Variants in NMRK1 observed in about 807,000 individuals in gnomAD.
NMRK1 encodes the protein NRK 1.
In NMRK1, 28 loss-of-function variants were observed where a neutral mutation model predicts 29.9. That is an observed-to-expected ratio of 0.94 (90% CI 0.69 to 1.28). The LOEUF (loss-of-function observed/expected upper bound fraction) is 1.28, where lower values mean the gene tolerates loss of function less well. Ranked by LOEUF, NMRK1 falls within the 50% of genes most tolerant of loss-of-function variation. The pLI, the probability that NMRK1 is intolerant of heterozygous loss-of-function variation, is 0.00. For missense variants in NMRK1, 218 were observed against 233.1 expected (o/e 0.94, Z 0.42); for synonymous variants, 58 against 73.0 (o/e 0.79, Z 1.05).
chr9:75,077,709 C>T (rs1824084231), intron 2 of NMRK1, 129 bp from the exon 3 acceptor site: 1 of 640,134 alleles, frequency 1.6e-6, no homozygotes, highest in African/African-American at 1.8e-5. Context: ...AATCTTGGCT[C>T]ACTGCAACCT....
At chr9:75,087,714 A>C (rs1824754611) in intron 1 of NMRK1, 2 of 151,768 alleles carry the variant, frequency 1.3e-5, no homozygotes. Flanking sequence ...GACCATATCG[A>C]TCCGCGAGGA....
intron 8 of NMRK1, 26 bp downstream of exon 8, chr9:75,066,731 A>G: frequency 7.8e-7 from 1 of 1,284,984 alleles, no homozygotes; most frequent in Admixed American, 1.7e-5. Context: ...CTCCTCTACC[A>G]TCCACTTTGT....
At chr9:75,066,333 CT>C in intron 8 of NMRK1, 1 of 497,776 alleles carries the variant, frequency 2.0e-6, no homozygotes, top group East Asian at 5.6e-5. Context: ...TTTTTAAAAT[CT>C]TTTGTTTATC....
At chr9:75,078,920 A>G (rs1824164486) in intron 2 of NMRK1, among the ~76,000 whole-genome samples, 1 of 152,326 alleles carries the variant, frequency 6.6e-6, no homozygotes, top group Non-Finnish European at 1.5e-5. Flanking sequence ...CTATATTTCA[A>G]TATAACCAAT....
Position 75,066,782 on chromosome 9 carries a change from T to G in NMRK1, c.555A>C (p.Leu185=). The G allele has an allele frequency of 6.2e-7, 1 of 1,606,102 alleles. No individual in the cohort carries two copies. Among genetic ancestry groups the G allele is most frequent in the Middle Eastern group, 1.7e-4 (1 of 6,044 alleles). The change falls in exon 8 of 9, where the codon CTA becomes CTC. Residue 185 remains leucine, a synonymous_variant. Transcript: ENST00000361092. ...ACTTTTGCTTTGCTAGTTCTTGTAT[T>G]AGATCTTCATATACTTGCAAAAAGA... ...EDLFLQVYED[L]IQELAKQKCL... is the part of the protein sequence containing the mutation.
intron 8 of NMRK1, chr9:75,066,327 T>C (rs998242209): frequency 2.0e-6 from 1 of 504,024 alleles, no homozygotes; most frequent in South Asian, 1.5e-5. Flanking sequence ...TAATACTTTT[T>C]AAAATCTTTT....
At chr9:75,078,195 T>C in intron 2 of NMRK1, 4 of 1,401,028 alleles carry the variant, frequency 2.9e-6, no homozygotes, top group Non-Finnish European at 3.8e-6. Context: ...ATTCACATGG[T>C]TCATATGCAA....
chr9:75,068,559 A>G (rs1823503834), intron 7 of NMRK1, among the ~76,000 whole-genome samples: 1 of 152,096 alleles, frequency 6.6e-6, no homozygotes, highest in African/African-American at 2.4e-5. Context: ...AAACTCATTG[A>G]AGTTTGGTTA....
intron 4 of NMRK1, among the ~76,000 whole-genome samples, chr9:75,073,595 C>G (rs750473038): frequency 2.0e-5 from 3 of 151,996 alleles, no homozygotes; most frequent in Non-Finnish European, 4.4e-5. Context: ...AAAAATTAGT[C>G]AGGCGTGGTG....
At chr9:75,066,953 A>G in intron 7 of NMRK1, 113 bp from the exon 8 acceptor site, 2 of 641,746 alleles carry the variant, frequency 3.1e-6, no homozygotes, top group Non-Finnish European at 5.6e-6. Flanking sequence ...CAAGGCACCC[A>G]GGACCATAAC....
At position 75,062,770 on chromosome 9, in the gene NMRK1, G is replaced by A. The variant is rs972274704; in HGVS notation, c.581-1203C>T. 5.3e-5 allele frequency among the ~76,000 whole-genome samples: 8 copies of A among 152,204 alleles called. 1 individual carries two copies. The highest frequency in any genetic ancestry group is 5.2e-4 in the Admixed American group (8 of 15,276). ...AAAAAGGCTGAGCATGGTGGCTGATGCCTGTAATCCCAGCACTATGGGAGG... is the reference window on the plus strand; with the variant it reads ...AAAAAGGCTGAGCATGGTGGCTGATACCTGTAATCCCAGCACTATGGGAGG... On this transcript the variant is annotated intron_variant, in intron 8 of 8. Coordinates refer to ENST00000361092, the MANE Select transcript of NMRK1 (RefSeq NM_017881.3).
intron 1 of NMRK1, among the ~76,000 whole-genome samples, chr9:75,085,164 T>A (rs1044671551): frequency 2.0e-5 from 3 of 152,244 alleles, no homozygotes; most frequent in African/African-American, 7.2e-5. Flanking sequence ...TTGTCATTCC[T>A]TGCCCCCATT....
intron 8 of NMRK1, among the ~76,000 whole-genome samples, chr9:75,065,297 G>A (rs1728667471): frequency 6.6e-6 from 1 of 152,084 alleles, no homozygotes; most frequent in South Asian, 2.1e-4. Context: ...AGCCTCCCGG[G>A]TAGCTGGGAC....
In NMRK1 at chr9:75,077,029, C is replaced by T. The variant is rs1186461921; in HGVS notation, c.169+130G>A. On this transcript the variant is annotated intron_variant, in intron 4 of 8. Transcript: ENST00000361092. ...TAAACACATTTTAAGACTGCCTTCA[C>T]AGATATAGTGAAGTTCTTTTTTTAA... 9.6e-6 allele frequency: 6 copies of T among 622,700 alleles called. 1 individual carries two copies. The highest frequency in any genetic ancestry group is 8.5e-5 in the South Asian group (4 of 47,010). 38.6% of individuals were successfully genotyped at this position (622,700 alleles called of 1,614,324 possible). A position where few individuals can be genotyped will look rare whatever the true frequency, so the allele number is the denominator to read the frequency against.
At position 75,063,726 on chromosome 9, in the gene NMRK1, A is replaced by G. The variant is rs368111418; in HGVS notation, c.581-2159T>C. On this transcript the variant is annotated intron_variant, in intron 8 of 8. Transcript: ENST00000361092. ...AAAAAAACCCTGAAGATTAGTCACT[A>G]GAAACACTGAAAGGCCTCCCCAGCT... Among the ~76,000 whole-genome samples, 3 of 152,208 alleles carry G rather than the reference A, an allele frequency of 2.0e-5. No homozygotes were observed. The East Asian group carries it at 5.8e-4, about 29-fold the overall frequency.
chr9:75,061,630 A>T, intron 8 of NMRK1, 63 bp from the exon 9 acceptor site: 1 of 1,303,460 alleles, frequency 7.7e-7, no homozygotes, highest in Non-Finnish European at 1.1e-6. Context: ...TTAAATCTTT[A>T]CATCAACAAC....
At chr9:75,078,356 CT>C (rs1274956921) in intron 2 of NMRK1, 2 of 1,573,278 alleles carry the variant, frequency 1.3e-6, no homozygotes, top group South Asian at 1.2e-5. Context: ...GCGATGCCTC[CT>C]TTTCCCCATC....
chr9:75,075,483 T>C (rs931793747), intron 4 of NMRK1, among the ~76,000 whole-genome samples: 1 of 152,178 alleles, frequency 6.6e-6, no homozygotes, highest in Non-Finnish European at 1.5e-5. Flanking sequence ...AGGTTATCAG[T>C]TAAAAATAGA....
intron 2 of NMRK1, among the ~76,000 whole-genome samples, chr9:75,082,197 A>C (rs913064349): frequency 6.6e-6 from 1 of 152,196 alleles, no homozygotes; most frequent in Admixed American, 6.5e-5. Flanking sequence ...AAAGATGGGG[A>C]CTAGGGAATG....
Sources: allele counts gnomAD v4.1 joint callset (sites outside exome capture counted in the v4.1 genomes callset), GRCh38; gene constraint gnomAD v4.1.1; transcripts MANE v1.5; gene names NCBI Gene and HGNC (gene_info 2026-07-23, HGNC 2026-07-21).